Variants in LRBA observed in about 807,000 individuals in gnomAD.
LRBA encodes the protein lipopolysaccharide-responsive and beige-like anchor protein.
A neutral mutation model predicts 330.0 loss-of-function variants in LRBA; 176 were observed. The ratio of observed to expected loss-of-function variants is 0.53; its 90% CI spans 0.47 to 0.60. The LOEUF (loss-of-function observed/expected upper bound fraction) is 0.60, where lower values mean the gene tolerates loss of function less well. LRBA is among the 20% of genes least tolerant of loss of function. The probability of loss-of-function intolerance (pLI) is 0.00; values close to 1 mark genes in which losing one functional copy is unlikely to be tolerated. For missense variants in LRBA, 3,259 were observed against 3,444.8 expected (o/e 0.95, Z 1.35); for synonymous variants, 1,230 against 1,193.0 (o/e 1.03, Z -0.64).
Position 151,014,520 on chromosome 4 carries a change from G to A in LRBA, c.123C>T (p.Ile41=). 1 of 1,614,154 alleles carries A rather than the reference G, an allele frequency of 6.2e-7. No homozygotes were observed. The highest frequency in any genetic ancestry group is 8.5e-7 in the Non-Finnish European group (1 of 1,180,012). The change falls in exon 2 of 57, where the codon ATC becomes ATT. Residue 41 remains isoleucine, a synonymous_variant. Coordinates refer to ENST00000651943, the MANE Select transcript of LRBA (RefSeq NM_001364905.1). ...GALSLKPGLP[I]RGIRMKFAVL... ...CGGCAAATTTCATTCTGATGCCCCT[G>A]ATGGGGAGCCCTGGTTTCAGAGACA...
chr4:150,368,684 CCTT>C (rs1439072713), intron 47 of LRBA, among the ~76,000 whole-genome samples: 23 of 152,158 alleles, frequency 1.5e-4, no homozygotes, highest in Admixed American at 1.5e-3. Context: ...ACTTAATCAT[CCTT>C]CTTGGAAAGA....
At chr4:150,274,713 T>G (rs888014445) in intron 56 of LRBA, among the ~76,000 whole-genome samples, 1 of 152,210 alleles carries the variant, frequency 6.6e-6, no homozygotes. Flanking sequence ...GATACATTCT[T>G]GGGCACATAC....
intron 2 of LRBA, among the ~76,000 whole-genome samples, chr4:150,997,651 GA>G (rs1197981912): frequency 6.6e-6 from 1 of 151,594 alleles, no homozygotes; most frequent in South Asian, 2.1e-4. Flanking sequence ...AGCGGTTGGG[GA>G]AAAAAACATG....
At chr4:150,409,139 A>C (rs1014322845) in intron 47 of LRBA, among the ~76,000 whole-genome samples, 18 of 152,020 alleles carry the variant, frequency 1.2e-4, no homozygotes, top group African/African-American at 4.1e-4. Flanking sequence ...TAAAAGGAAA[A>C]ATTTGGACAG....
chr4:150,265,595 T>TAATA lies in LRBA; in HGVS notation c.*123_*126dup. ...CAAAGACTACAAAAATAGCAATTAT[T>TAATA]AATAACTTTAAAAAATATTTTGCTT... On this transcript the variant is annotated 3_prime_UTR_variant, in exon 57 of 57. Coordinates refer to ENST00000651943, the MANE Select transcript of LRBA (RefSeq NM_001364905.1). The TAATA allele has an allele frequency of 3.1e-6, 2 of 640,012 alleles. No homozygotes were observed. The highest frequency in any genetic ancestry group is 5.6e-6 in the Non-Finnish European group (2 of 355,832). The allele number at this position is 640,012 out of a possible 1,614,324, so 39.6% of individuals were successfully genotyped here.
chr4:150,768,925 T>A (rs530368487), intron 34 of LRBA, among the ~76,000 whole-genome samples: 55 of 128,384 alleles, frequency 4.3e-4, no homozygotes, highest in African/African-American at 1.3e-3. Context: ...AAGTGCTGTC[T>A]CCTTTTTTTT....
chr4:150,282,299 T>C, intron 55 of LRBA, 151 bp downstream of exon 55: 3 of 662,318 alleles, frequency 4.5e-6, no homozygotes, highest in Non-Finnish European at 7.9e-6. Context: ...GTGAGCCTTG[T>C]CTGAGTGCTA....
intron 48 of LRBA, among the ~76,000 whole-genome samples, chr4:150,334,586 G>A (rs952529746): frequency 2.6e-4 from 39 of 151,808 alleles, no homozygotes; most frequent in Non-Finnish European, 4.7e-4. Flanking sequence ...GCAAAATCTG[G>A]GGGGTATATT....
chr4:150,560,144 T>G (rs1351675292), intron 40 of LRBA, among the ~76,000 whole-genome samples: 1 of 150,034 alleles, frequency 6.7e-6, no homozygotes, highest in East Asian at 1.9e-4. Context: ...GGGAAAGGAG[T>G]ATAATGTGTA....
chr4:150,615,537 G>C (rs1021745220), intron 37 of LRBA, among the ~76,000 whole-genome samples: 1 of 152,124 alleles, frequency 6.6e-6, no homozygotes, highest in African/African-American at 2.4e-5. Flanking sequence ...TCATATATGG[G>C]ATGTGAGAGA....
At chr4:150,266,831 A>G (rs879427640) in intron 56 of LRBA, among the ~76,000 whole-genome samples, 1 of 152,224 alleles carries the variant, frequency 6.6e-6, no homozygotes, top group Non-Finnish European at 1.5e-5. Flanking sequence ...CCCACTTGAG[A>G]TCTAAAGACA....
intron 38 of LRBA, among the ~76,000 whole-genome samples, chr4:150,597,740 C>A (rs1011228891): frequency 6.6e-6 from 1 of 151,360 alleles, no homozygotes; most frequent in Non-Finnish European, 1.5e-5. Context: ...GAAAAAAAAA[C>A]CCTCTGAAAT....
intron 9 of LRBA, 93 bp downstream of exon 9, chr4:150,914,102 T>C (rs1732307864): frequency 1.0e-6 from 1 of 974,876 alleles, no homozygotes. Flanking sequence ...TCTTTTTTTT[T>C]TTTGTATCCA....
chr4:150,724,896 A>G (rs562153797), intron 36 of LRBA, among the ~76,000 whole-genome samples: 1 of 147,188 alleles, frequency 6.8e-6, no homozygotes, highest in South Asian at 2.2e-4. Context: ...ATATATATGT[A>G]TATATATACA....
intron 36 of LRBA, among the ~76,000 whole-genome samples, chr4:150,705,244 T>G (rs947951729): frequency 6.6e-6 from 1 of 152,068 alleles, no homozygotes; most frequent in African/African-American, 2.4e-5. Context: ...ATAAAGCTAA[T>G]GAAAATCTGG....
chr4:150,914,160 AAC>A, intron 9 of LRBA, 33 bp downstream of exon 9: 2 of 1,557,706 alleles, frequency 1.3e-6, no homozygotes, highest in Non-Finnish European at 1.7e-6. Context: ...AAGCTGAACT[AAC>A]ATTGGTTAAG....
chr4:150,395,285 CCT>C (rs1366030945), intron 47 of LRBA, among the ~76,000 whole-genome samples: 2 of 152,068 alleles, frequency 1.3e-5, no homozygotes, highest in African/African-American at 2.4e-5. Flanking sequence ...CTTATCTTTT[CCT>C]CTTTCTGTAA....
rs960502234 is a variant in LRBA, at chr4:150,422,660, C to T, written c.7042-7070G>A. On this transcript the variant is annotated intron_variant, in intron 46 of 56. Transcript: ENST00000651943. ...CCTGAGTTCCTTAGAAGAACTGGCACTGCTCCGGCTCCTCTAACAACTGAG... is the reference window on the plus strand; with the variant it reads ...CCTGAGTTCCTTAGAAGAACTGGCATTGCTCCGGCTCCTCTAACAACTGAG... 1.1e-5 allele frequency: 7 copies of T among 650,516 alleles called. No individual in the cohort carries two copies. The South Asian group carries it at 1.2e-4, about 11-fold the overall frequency. The allele number at this position is 650,516 out of a possible 1,614,324, so 40.3% of individuals were successfully genotyped here.
intron 36 of LRBA, among the ~76,000 whole-genome samples, chr4:150,694,462 C>CATAAAAAAAAAAAAA (rs1784432437): frequency 1.4e-5 from 1 of 71,010 alleles, no homozygotes; most frequent in African/African-American, 4.9e-5. Context: ...TGATCTTTAA[C>CATAAAAAAAAAAAAA]AAAAAAAAAA....
Sources: allele counts gnomAD v4.1 joint callset (sites outside exome capture counted in the v4.1 genomes callset), GRCh38; gene constraint gnomAD v4.1.1; transcripts MANE v1.5; gene names NCBI Gene and HGNC (gene_info 2026-07-23, HGNC 2026-07-21).